Variants in HEG1 observed in about 807,000 individuals in gnomAD.
HEG1 encodes the protein heart development protein with EGF like domains 1, also known as protein HEG homolog 1.
Under a neutral mutation model 125.6 loss-of-function variants are expected in HEG1, and 56 were observed. That is an observed-to-expected ratio of 0.45 (90% CI 0.36 to 0.56). HEG1 has a LOEUF of 0.56. Among genes scored for constraint, HEG1 ranks in the 20% least tolerant of loss-of-function variants. HEG1 has a pLI of 0.00. For missense variants in HEG1, 1,523 were observed against 1,670.0 expected (o/e 0.91, Z 1.53); for synonymous variants, 644 against 668.5 (o/e 0.96, Z 0.57).
Position 125,027,360 on chromosome 3 carries a change from G to A in HEG1, c.758C>T (p.Ala253Val), listed in dbSNP as rs527522302. 3.1e-6 allele frequency: 5 copies of A among 1,613,990 alleles called. No homozygotes were observed. In the African/African-American group the frequency reaches 6.7e-5, roughly 22 times the overall value. Reference sequence around the variant, plus strand: ...GGACGGGCTCCAAGCCGAAGTGGTGGCCTCTTGGCTGTGCACAGTCCATTC... The same window carrying A: ...GGACGGGCTCCAAGCCGAAGTGGTGACCTCTTGGCTGTGCACAGTCCATTC... ...SEEWTVHSQE[A>V]TTSAWSPSFL... The change falls in exon 3 of 17, where the codon GCC (alanine) becomes GTC (valine). Residue 253 changes from alanine (A) to valine (V), a missense_variant. Transcript: ENST00000311127.
chr3:125,043,874 G>T (rs984861177), intron 1 of HEG1, among the ~76,000 whole-genome samples: 2 of 152,174 alleles, frequency 1.3e-5, no homozygotes, highest in African/African-American at 2.4e-5. Flanking sequence ...GGAGGAAGAG[G>T]GGGGAGAGGC....
chr3:124,990,469 G>C (rs1936814167), intron 14 of HEG1, among the ~76,000 whole-genome samples: 1 of 152,036 alleles, frequency 6.6e-6, no homozygotes. Flanking sequence ...TTCCCAAGTA[G>C]CTAGGATTAC....
At chr3:124,992,184 A>T (rs956062758) in intron 12 of HEG1, among the ~76,000 whole-genome samples, 2 of 152,132 alleles carry the variant, frequency 1.3e-5, no homozygotes, top group Non-Finnish European at 1.5e-5. Context: ...TTTCGGACAT[A>T]TCTAGATGTG....
intron 1 of HEG1, among the ~76,000 whole-genome samples, chr3:125,046,981 T>C (rs571481395): frequency 9.9e-5 from 15 of 152,282 alleles, no homozygotes; most frequent in Non-Finnish European, 1.2e-4. Flanking sequence ...TTTCTATGCG[T>C]TCATCTGGTC....
intron 11 of HEG1, among the ~76,000 whole-genome samples, chr3:124,999,168 A>G (rs1936966323): frequency 6.6e-6 from 1 of 152,252 alleles, no homozygotes; most frequent in African/African-American, 2.4e-5. Context: ...AGGTAAGCTT[A>G]GGACACAACT....
At chr3:125,033,953 C>T (rs181166653) in intron 1 of HEG1, among the ~76,000 whole-genome samples, 106 of 151,896 alleles carry the variant, frequency 7.0e-4, no homozygotes, top group Admixed American at 2.4e-3. Flanking sequence ...TTCATCCCAA[C>T]CCCCGGCCCA....
rs1937123678 is a variant in HEG1 at position 125,009,747 on chromosome 3, A to G, written c.3151T>C (p.Cys1051Arg). The G allele has an allele frequency of 6.2e-7, 1 of 1,613,544 alleles. No homozygotes were observed. Among genetic ancestry groups the G allele is most frequent in the Admixed American group, 1.7e-5 (1 of 60,002 alleles). ...NNTQGSFICK[C>R]PVGYQLEKGI... ...TTTTCCAACTGGTACCCAACCGGGC[A>G]TTTGCAGATAAAGGATCCCTGAGTA... The change falls in exon 8 of 17, where the codon TGC (cysteine) becomes CGC (arginine). Residue 1051 changes from cysteine (C) to arginine (R), a missense_variant. Cys to Arg is a radical substitution (Grantham distance 180). Coordinates refer to ENST00000311127, the MANE Select transcript of HEG1 (RefSeq NM_020733.2).
At chr3:125,007,556 G>A (rs548534029) in intron 8 of HEG1, among the ~76,000 whole-genome samples, 49 of 152,314 alleles carry the variant, frequency 3.2e-4, no homozygotes, top group African/African-American at 1.2e-3. Context: ...CCAAGAGTTT[G>A]AAGACTAAAG....
In HEG1 at chr3:124,968,586, C is replaced by G. The variant is rs1382258722; in HGVS notation, c.*2066G>C. On this transcript the variant is annotated 3_prime_UTR_variant, in exon 17 of 17. Transcript: ENST00000311127. ...TTTGTGGAGCTGAAGTCTTCTGGCT[C>G]CGATAGAGGAGATGATTTGTCAGCT... The G allele has an allele frequency of 6.6e-6, 1 of 152,136 alleles. No homozygotes were observed. The highest frequency in any genetic ancestry group is 1.9e-4 in the East Asian group (1 of 5,196). The allele number at this position is 152,136 out of a possible 1,614,324, so 9.4% of individuals were successfully genotyped here. A position where few individuals can be genotyped will look rare whatever the true frequency, so the allele number is the denominator to read the frequency against.
intron 1 of HEG1, among the ~76,000 whole-genome samples, chr3:125,040,162 T>C (rs893779557): frequency 4.6e-5 from 7 of 152,178 alleles, no homozygotes; most frequent in Non-Finnish European, 8.8e-5. Context: ...TTTGGGGTGA[T>C]GTTACAACTT....
intron 1 of HEG1, among the ~76,000 whole-genome samples, chr3:125,036,213 A>AAAAAAAAAAAAAG (rs1937545905): frequency 6.7e-6 from 1 of 149,696 alleles, no homozygotes; most frequent in African/African-American, 2.4e-5. Context: ...CTGTCTCAAA[A>AAAAAAAAAAAAAG]AAAAAAAAAA....
intron 11 of HEG1, among the ~76,000 whole-genome samples, chr3:124,999,532 C>T (rs540675591): frequency 1.3e-5 from 2 of 152,346 alleles, no homozygotes; most frequent in Non-Finnish European, 2.9e-5. Context: ...GCCAATGTCA[C>T]GTTTTCCTTC....
intron 1 of HEG1, among the ~76,000 whole-genome samples, chr3:125,039,733 C>T (rs1276391112): frequency 2.0e-5 from 3 of 151,720 alleles, no homozygotes; most frequent in Admixed American, 6.6e-5. Flanking sequence ...TTCCAGGTCA[C>T]GCACTCACTA....
intron 8 of HEG1, among the ~76,000 whole-genome samples, chr3:125,008,557 T>C (rs1483302673): frequency 6.6e-6 from 1 of 152,178 alleles, no homozygotes; most frequent in Non-Finnish European, 1.5e-5. Context: ...TCCCAGCACG[T>C]TGGGAGGCCA....
At position 125,047,326 on chromosome 3, in the gene HEG1, T is replaced by C. The variant is rs1253039408; in HGVS notation, c.316+8249A>G. 2.0e-5 allele frequency among the ~76,000 whole-genome samples: 3 copies of C among 152,246 alleles called. No individual in the cohort carries two copies. The East Asian group carries it at 5.8e-4, about 29-fold the overall frequency. ...CATTGCTAGTATTTCTAGAGCTCTC[T>C]TGCCCAGGCATCAAGCCGTCTACTT... On this transcript the variant is annotated intron_variant, in intron 1 of 16. Transcript: ENST00000311127.
At position 125,012,959 on chromosome 3, in the gene HEG1, G is replaced by A. The variant is rs1560024970; in HGVS notation, c.2620C>T (p.Gln874Ter). Residue 874 changes from glutamine to a stop codon, truncating the protein, a stop_gained, in exon 6 of 17, where the codon CAG becomes TAG. Coordinates refer to ENST00000311127, the MANE Select transcript of HEG1 (RefSeq NM_020733.2). LOFTEE classifies it high-confidence loss of function. The stretch of plus-strand genomic sequence containing the variant: ...GAGAGCTGTTTTCCAGCTGTAGTCT[G>A]TACGGCTATAGGGCCAGTGACCAGA... The part of the protein sequence containing the change: ...ASLVTGPIAV[Q>*]TTAGKQLSLT... The A allele has an allele frequency of 1.2e-6, 2 of 1,614,058 alleles. No homozygotes were observed. Among genetic ancestry groups the A allele is most frequent in the Non-Finnish European group, 1.7e-6 (2 of 1,179,892 alleles).
intron 1 of HEG1, 24 bp from the exon 2 acceptor site, chr3:125,029,512 A>C: frequency 1.3e-6 from 2 of 1,579,064 alleles, no homozygotes; most frequent in Non-Finnish European, 1.7e-6. Flanking sequence ...AGGATGCATC[A>C]GGGAGAGTTT....
intron 1 of HEG1, among the ~76,000 whole-genome samples, chr3:125,046,566 C>T (rs1298657874): frequency 2.0e-5 from 3 of 152,002 alleles, no homozygotes; most frequent in African/African-American, 4.8e-5. Flanking sequence ...CCACTGTGCC[C>T]GACCCAACTG....
chr3:125,021,647 G>C (rs927800134), intron 3 of HEG1, among the ~76,000 whole-genome samples: 12 of 152,224 alleles, frequency 7.9e-5, no homozygotes, highest in Non-Finnish European at 1.2e-4. Flanking sequence ...ACACAGCTGG[G>C]ACACTCATGG....
Sources: allele counts gnomAD v4.1 joint callset (sites outside exome capture counted in the v4.1 genomes callset), GRCh38; gene constraint gnomAD v4.1.1; transcripts MANE v1.5; gene names NCBI Gene and HGNC (gene_info 2026-07-23, HGNC 2026-07-21).